Variants in SAMMSON observed in about 807,000 individuals in gnomAD.
SAMMSON encodes survival associated mitochondrial melanoma specific oncogenic non-coding RNA.
chr3:70,025,049 A>G (rs2067032144), intron 3 of SAMMSON: 2 of 152,154 alleles, frequency 1.3e-5, no homozygotes, highest in African/African-American at 4.8e-5. Flanking sequence ...ATGGGCTAAG[A>G]TCTACATAGT....
At chr3:70,391,399 A>C (rs1391212074), downstream of SAMMSON, among the ~76,000 whole-genome samples, 1 of 152,104 alleles carries the variant, frequency 6.6e-6, no homozygotes, top group African/African-American at 2.4e-5. Flanking sequence ...ATACAATTTC[A>C]GGTTCATTTC....
At chr3:70,257,822 T>C (rs1701830937) in intron 6 of SAMMSON, among the ~76,000 whole-genome samples, 1 of 152,178 alleles carries the variant, frequency 6.6e-6, no homozygotes, top group Non-Finnish European at 1.5e-5. Context: ...AGGTAAGCCT[T>C]AACCATTTTG....
At chr3:70,315,093 G>A (rs570775013) in intron 7 of SAMMSON, among the ~76,000 whole-genome samples, 32 of 152,148 alleles carry the variant, frequency 2.1e-4, no homozygotes, top group Admixed American at 6.6e-4. Context: ...TATTTAAGTC[G>A]AAGCATTAGA....
At chr3:70,066,239 G>T (rs2067210252) in intron 3 of SAMMSON, among the ~76,000 whole-genome samples, 2 of 151,990 alleles carry the variant, frequency 1.3e-5, no homozygotes, top group South Asian at 4.2e-4. Flanking sequence ...TTTTCCTTGG[G>T]AATAACATTT....
intron 4 of SAMMSON, among the ~76,000 whole-genome samples, chr3:70,196,487 C>T (rs1454373959): frequency 6.6e-6 from 1 of 152,064 alleles, no homozygotes; most frequent in East Asian, 1.9e-4. Flanking sequence ...ACCAACAATG[C>T]ATAATGTTTA....
At chr3:70,249,919 A>G (rs2106650057) in intron 6 of SAMMSON, among the ~76,000 whole-genome samples, 1 of 152,324 alleles carries the variant, frequency 6.6e-6, no homozygotes, top group East Asian at 1.9e-4. Flanking sequence ...TCTGGCAAAA[A>G]AGGAACAGTA....
chr3:70,251,969 G>T lies in SAMMSON; in HGVS notation n.674+2299G>T, dbSNP rs141660526. 9.7e-4 allele frequency among the ~76,000 whole-genome samples: 147 copies of T among 152,246 alleles called. 2 individuals carry two copies. In the East Asian group the frequency reaches 0.021, roughly 21 times the overall value. On this transcript the variant is annotated intron_variant and non_coding_transcript_variant, in intron 6 of 9. Coordinates refer to ENST00000642114, the Ensembl canonical transcript of SAMMSON. Reference sequence around the variant, plus strand: ...GTGTGCCAATTTTACTTCCTTAACTGTCTTCAAAACACGTGTTAAGGAACT... The same window carrying T: ...GTGTGCCAATTTTACTTCCTTAACTTTCTTCAAAACACGTGTTAAGGAACT...
chr3:70,427,194 G>A (rs1701376858), intron 2 of SAMMSON, among the ~76,000 whole-genome samples: 1 of 152,172 alleles, frequency 6.6e-6, no homozygotes, highest in Non-Finnish European at 1.5e-5. Context: ...AGGTGACACA[G>A]CATACAACAT....
intron 4 of SAMMSON, among the ~76,000 whole-genome samples, chr3:70,133,205 G>C (rs1401148046): frequency 6.6e-6 from 1 of 152,082 alleles, no homozygotes; most frequent in Admixed American, 6.6e-5. Flanking sequence ...CATGTGATTA[G>C]AGAGTTGTAA....
chr3:70,330,416 CTT>C (rs942410166), intron 7 of SAMMSON, among the ~76,000 whole-genome samples: 10 of 151,980 alleles, frequency 6.6e-5, no homozygotes, highest in African/African-American at 2.4e-4. Flanking sequence ...GACAAGCTAT[CTT>C]TATCTATATT....
intron 4 of SAMMSON, among the ~76,000 whole-genome samples, chr3:70,141,147 G>A (rs1218454434): frequency 6.6e-6 from 1 of 151,888 alleles, no homozygotes. Context: ...CCCACTTCTT[G>A]ACACAAAAAT....
At chr3:70,287,895 A>G (rs1258670091) in intron 6 of SAMMSON, among the ~76,000 whole-genome samples, 4 of 151,202 alleles carry the variant, frequency 2.6e-5, no homozygotes, top group South Asian at 2.1e-4. Flanking sequence ...CTGTGGGATC[A>G]GTGGTGACAT....
chr3:70,001,997 A>G (rs1274412509), intron 1 of SAMMSON, among the ~76,000 whole-genome samples: 3 of 152,166 alleles, frequency 2.0e-5, no homozygotes, highest in Non-Finnish European at 4.4e-5. Context: ...AAACAAAGAG[A>G]GTTAACCAAA....
chr3:70,297,101 A>G (rs1702297006), intron 7 of SAMMSON, among the ~76,000 whole-genome samples: 1 of 152,154 alleles, frequency 6.6e-6, no homozygotes, highest in East Asian at 1.9e-4. Context: ...TTGAAATGAT[A>G]GACACCTATT....
chr3:70,205,302 C>T (rs576491190), intron 4 of SAMMSON: 1 of 152,202 alleles, frequency 6.6e-6, no homozygotes, highest in Non-Finnish European at 1.5e-5. Flanking sequence ...TGCTCTCCAG[C>T]TTGCCATAGT....
chr3:70,131,931 A>G (rs960436082), intron 4 of SAMMSON, among the ~76,000 whole-genome samples: 12 of 152,194 alleles, frequency 7.9e-5, no homozygotes, highest in Non-Finnish European at 1.5e-4. Flanking sequence ...AGTCAGATCT[A>G]GAGAATAAAT....
intron 4 of SAMMSON, among the ~76,000 whole-genome samples, chr3:70,143,976 G>A (rs1226023003): frequency 2.6e-5 from 4 of 151,974 alleles, no homozygotes; most frequent in Non-Finnish European, 5.9e-5. Flanking sequence ...TTGACTTTTG[G>A]TAAACATTTT....
chr3:70,131,697 C>T (rs968164901), intron 4 of SAMMSON, among the ~76,000 whole-genome samples: 2 of 152,108 alleles, frequency 1.3e-5, no homozygotes, highest in South Asian at 2.1e-4. Context: ...TCTCTCACCT[C>T]GGCCTCCTGA....
At chr3:70,401,584 C>G (rs1701142784) in intron 2 of SAMMSON, among the ~76,000 whole-genome samples, 1 of 149,396 alleles carries the variant, frequency 6.7e-6, no homozygotes, top group Admixed American at 6.6e-5. Flanking sequence ...TCCAATACTA[C>G]TTTTTCCATA....
Sources: allele counts gnomAD v4.1 joint callset (sites outside exome capture counted in the v4.1 genomes callset), GRCh38; gene constraint gnomAD v4.1.1; transcripts MANE v1.5; gene names NCBI Gene and HGNC (gene_info 2026-07-23, HGNC 2026-07-21).